PDE10A: variants seen among roughly 807,000 people sequenced by gnomAD.
The protein encoded by PDE10A is cAMP and cAMP-inhibited cGMP 3',5'-cyclic phosphodiesterase 10A.
Under a neutral mutation model 97.7 loss-of-function variants are expected in PDE10A, and 39 were observed. The observed-to-expected ratio is 0.40, with a 90% CI of 0.31 to 0.52. The LOEUF (loss-of-function observed/expected upper bound fraction) is 0.52, where lower values mean the gene tolerates loss of function less well. Among genes scored for constraint, PDE10A ranks in the 20% least tolerant of loss-of-function variants. The pLI, the probability that PDE10A is intolerant of heterozygous loss-of-function variation, is 0.56. For synonymous variants in PDE10A, 371 were observed against 376.8 expected, an observed-to-expected ratio of 0.98 and a Z score of 0.18; for missense variants, 731 against 1,047.8, an observed-to-expected ratio of 0.70 and a Z score of 4.17.
At chr6:165,792,106 AC>A (rs909791424) in intron 1 of PDE10A, among the ~76,000 whole-genome samples, 5 of 151,872 alleles carry the variant, frequency 3.3e-5, no homozygotes, top group African/African-American at 1.2e-4. Context: ...GGAAGGAGGC[AC>A]CCTCAGTCAT....
At chr6:165,952,783 A>G (rs1412842379) in intron 1 of PDE10A, among the ~76,000 whole-genome samples, 3 of 152,016 alleles carry the variant, frequency 2.0e-5, no homozygotes, top group Non-Finnish European at 2.9e-5. Context: ...GTCGTCCTTC[A>G]CACTGGGCTC....
rs767113196 is a variant in PDE10A at position 165,418,585 on chromosome 6, C to T, written c.1796+50G>A. 50 of 1,560,390 alleles carry T rather than the reference C, an allele frequency of 3.2e-5. No individual in the cohort carries two copies. In the African/African-American group the frequency reaches 4.1e-4, roughly 13 times the overall value. On this transcript the variant is annotated intron_variant, in intron 11 of 21. Coordinates refer to ENST00000539869, the MANE Select transcript of PDE10A (RefSeq NM_001385079.1). This position sits in a 1 kb window ranked among gnomAD's most constrained non-coding sequence, Gnocchi z 4.8. Reference sequence around the variant, plus strand: ...AGGCACAGAAAAATGGGTAACGGAACGCCTGCACATCTACCGTAAGAGGAT... The same window carrying T: ...AGGCACAGAAAAATGGGTAACGGAATGCCTGCACATCTACCGTAAGAGGAT...
chr6:165,500,896 A>T (rs1780833240), intron 2 of PDE10A, among the ~76,000 whole-genome samples: 1 of 152,096 alleles, frequency 6.6e-6, no homozygotes, highest in Non-Finnish European at 1.5e-5. Flanking sequence ...TCTTTACGGC[A>T]CCCAGATGTT....
chr6:165,565,712 G>A (rs945686570), intron 1 of PDE10A, among the ~76,000 whole-genome samples: 2 of 152,162 alleles, frequency 1.3e-5, no homozygotes, highest in African/African-American at 4.8e-5. Flanking sequence ...AAACAGTGTG[G>A]TTATTAGGGA....
At chr6:165,808,147 T>C (rs1427730476) in intron 1 of PDE10A, among the ~76,000 whole-genome samples, 1 of 152,232 alleles carries the variant, frequency 6.6e-6, no homozygotes, top group Non-Finnish European at 1.5e-5. Context: ...ACTCCCTTTC[T>C]AGTCATGCTT....
chr6:165,986,467 C>T (rs1224654207), intron 1 of PDE10A: 1 of 152,238 alleles, frequency 6.6e-6, no homozygotes, highest in African/African-American at 2.4e-5. Flanking sequence ...TCAATGTAGC[C>T]CTACGTCTAG....
intron 1 of PDE10A, among the ~76,000 whole-genome samples, chr6:165,955,210 C>T (rs187490849): frequency 1.3e-5 from 2 of 152,278 alleles, no homozygotes; most frequent in East Asian, 3.9e-4. Context: ...GGGTCAAGGT[C>T]GTGCTCGGTG....
rs1562327274 is a variant in PDE10A at position 165,958,561 on chromosome 6, GAAAGACAGAC to G, written c.-615+28958_-615+28967del. 8.3e-4 allele frequency among the ~76,000 whole-genome samples: 11 copies of G among 13,330 alleles called. 2 individuals are homozygous for G. The highest frequency in any genetic ancestry group is 1.8e-3 in the Admixed American group (2 of 1,090). The allele number at this position is 13,330 out of a possible 152,430, so 8.7% of individuals were successfully genotyped here. A position where few individuals can be genotyped will look rare whatever the true frequency, so the allele number is the denominator to read the frequency against. On this transcript the variant is annotated intron_variant, in intron 1 of 19. Coordinates refer to the PDE10A transcript ENST00000366882. ...AGAAAGAAAGAAAGAAAGAAAGAAAGAAAGACAGACAGAAAGAAAGACAGAAAGAGAGAAA... is the reference window on the plus strand; with the variant it reads ...AGAAAGAAAGAAAGAAAGAAAGAAAGAGAAAGAAAGACAGAAAGAGAGAAA...
intron 1 of PDE10A, among the ~76,000 whole-genome samples, chr6:165,651,898 G>A (rs1789705256): frequency 6.6e-6 from 1 of 151,980 alleles, no homozygotes; most frequent in Non-Finnish European, 1.5e-5. Flanking sequence ...GTATTCAGTA[G>A]TCTATCTTTG....
chr6:165,576,788 T>C (rs918218926), intron 1 of PDE10A, among the ~76,000 whole-genome samples: 4 of 152,250 alleles, frequency 2.6e-5, no homozygotes, highest in Non-Finnish European at 5.9e-5. Flanking sequence ...CTTCACAGTG[T>C]TTCTGCCTCC....
intron 1 of PDE10A, among the ~76,000 whole-genome samples, chr6:165,803,155 T>C (rs1779026742): frequency 6.6e-6 from 1 of 152,230 alleles, no homozygotes; most frequent in South Asian, 2.1e-4. Flanking sequence ...ATAATTTTTA[T>C]TGTGCCTCTG....
At chr6:165,608,329 C>T (rs1787325031) in intron 1 of PDE10A, among the ~76,000 whole-genome samples, 1 of 143,536 alleles carries the variant, frequency 7.0e-6, no homozygotes, top group Non-Finnish European at 1.5e-5. Flanking sequence ...TCTCATTGTT[C>T]AATTCCCACC....
At chr6:165,936,098 T>C (rs746584447) in intron 1 of PDE10A, among the ~76,000 whole-genome samples, 1 of 152,100 alleles carries the variant, frequency 6.6e-6, no homozygotes. Context: ...ACTTTAATAA[T>C]GAGGGAAAGA....
intron 1 of PDE10A, among the ~76,000 whole-genome samples, chr6:165,839,453 C>T (rs1780154272): frequency 6.6e-6 from 1 of 151,910 alleles, no homozygotes; most frequent in Non-Finnish European, 1.5e-5. Flanking sequence ...TCTTTTTTTC[C>T]CAATTCTATT....
intron 18 of PDE10A, among the ~76,000 whole-genome samples, chr6:165,376,568 A>G (rs1211839600): frequency 6.6e-6 from 1 of 152,220 alleles, no homozygotes; most frequent in Non-Finnish European, 1.5e-5. Flanking sequence ...ATTTTCTGTG[A>G]AAGGAAGAGT....
chr6:165,601,603 A>G (rs1384020280), intron 1 of PDE10A, among the ~76,000 whole-genome samples: 1 of 152,160 alleles, frequency 6.6e-6, no homozygotes, highest in East Asian at 1.9e-4. Context: ...AAGATTTCCT[A>G]ATCTTTAGAT....
rs79637728 is a variant in PDE10A at position 165,836,252 on chromosome 6, C to T, written c.-615+151277G>A. 1.9e-3 allele frequency among the ~76,000 whole-genome samples: 292 copies of T among 152,316 alleles called. 1 individual carries two copies. Among genetic ancestry groups the T allele is most frequent in the African/African-American group, 6.5e-3 (270 of 41,578 alleles). On this transcript the variant is annotated intron_variant, in intron 1 of 19. Coordinates refer to the PDE10A transcript ENST00000366882. ...TCCGACCATGTCACAACCCTACACA[C>T]GAGTCTCATTGAACAAATAACTATT...
chr6:165,527,770 A>T (rs1782536335), intron 2 of PDE10A, among the ~76,000 whole-genome samples: 1 of 152,174 alleles, frequency 6.6e-6, no homozygotes, highest in South Asian at 2.1e-4. Flanking sequence ...AGTGGCTAAA[A>T]TGTCCATGAT....
intron 1 of PDE10A, among the ~76,000 whole-genome samples, chr6:165,842,509 A>T (rs1780290175): frequency 6.6e-6 from 1 of 152,242 alleles, no homozygotes; most frequent in Non-Finnish European, 1.5e-5. Context: ...GTAACTTTTC[A>T]AGTGAGTTAA....
Sources: gnomAD v4.1 joint callset for allele counts (sites outside exome capture counted in the v4.1 genomes callset) on GRCh38, gnomAD v4.1.1 for gene constraint, Gnocchi (gnomAD v3.1) non-coding constraint, MANE v1.5 for transcripts, NCBI Gene and HGNC (gene_info 2026-07-23, HGNC 2026-07-21) for gene names.